IQCB1: variants seen among roughly 807,000 people sequenced by gnomAD.
IQCB1 encodes IQ motif containing B1.
Under a neutral mutation model 84.4 loss-of-function variants are expected in IQCB1, and 56 were observed. That is an observed-to-expected ratio of 0.66 (90% CI 0.54 to 0.83). IQCB1 has a LOEUF of 0.83. IQCB1 is among the 40% of genes least tolerant of loss of function. The probability of loss-of-function intolerance (pLI) is 0.00; values close to 1 mark genes in which losing one functional copy is unlikely to be tolerated. For missense variants in IQCB1, 629 were observed against 682.1 expected (o/e 0.92, Z 0.87); for synonymous variants, 210 against 234.8 (o/e 0.89, Z 0.96).
Position 121,826,140 on chromosome 3 carries a change from C to T in IQCB1, c.304G>A (p.Glu102Lys). 6.2e-7 allele frequency: 1 copy of T among 1,613,562 alleles called. No homozygotes were observed. Among genetic ancestry groups the T allele is most frequent in the Non-Finnish European group, 8.5e-7 (1 of 1,179,562 alleles). ...GATGGAAGTAATTCATTGTAAAATT[C>T]CTCTGCATCTTCTCCTGGCTCCAAG... ...VGLEPGEDAE[E>K]FYNELLPSAA... The change falls in exon 5 of 15, where the codon GAA becomes AAA. Residue 102 changes from glutamate (E) to lysine (K), a missense_variant. By Grantham distance (56) the Glu-to-Lys change is moderately conservative. Coordinates refer to ENST00000310864, the MANE Select transcript of IQCB1 (RefSeq NM_001023570.4).
chr3:121,790,317 G>T (rs903260468), intron 10 of IQCB1, 102 bp from the exon 11 acceptor site: 1 of 1,054,412 alleles, frequency 9.5e-7, no homozygotes, highest in African/African-American at 1.6e-5. Context: ...AAAATTTTAA[G>T]ATAATTTCTA....
intron 13 of IQCB1, among the ~76,000 whole-genome samples, chr3:121,780,335 C>T (rs915355010): frequency 1.3e-5 from 2 of 152,140 alleles, no homozygotes; most frequent in Non-Finnish European, 2.9e-5. Flanking sequence ...GTCTTGAAAA[C>T]GATTTCATGC....
rs1949314990 is a variant in IQCB1, at chr3:121,799,244, A to AT, written c.717dup (p.Ser240IlefsTer24). Reference sequence around the variant, plus strand: ...AGTAAAATCAAAATTTCCTGATGGGATTCAGCCATCAACAGTAGGAGTTTT... The same window carrying AT: ...AGTAAAATCAAAATTTCCTGATGGGATTTCAGCCATCAACAGTAGGAGTTTT... On this transcript the variant is annotated frameshift_variant, in exon 8 of 15. Transcript: ENST00000310864. LOFTEE classifies it high-confidence loss of function. 1.9e-6 allele frequency: 3 copies of AT among 1,610,660 alleles called. No individual in the cohort carries two copies. The highest frequency in any genetic ancestry group is 2.5e-6 in the Non-Finnish European group (3 of 1,177,612).
chr3:121,780,462 T>C (rs1051645771), intron 13 of IQCB1, among the ~76,000 whole-genome samples: 1 of 152,208 alleles, frequency 6.6e-6, no homozygotes, highest in Non-Finnish European at 1.5e-5. Flanking sequence ...TACCTCTTTA[T>C]GGTAATCACA....
At chr3:121,770,823 T>C (rs752293443) in intron 14 of IQCB1, among the ~76,000 whole-genome samples, 1 of 152,062 alleles carries the variant, frequency 6.6e-6, no homozygotes, top group African/African-American at 2.4e-5. Context: ...CCTGGGACTA[T>C]GCCACCACAC....
At chr3:121,786,170 C>CAAGAAAAAAGAAAAG in intron 12 of IQCB1, among the ~76,000 whole-genome samples, 2 of 72,846 alleles carry the variant, frequency 2.7e-5, no homozygotes, top group Non-Finnish European at 5.1e-5. Flanking sequence ...GATTCTGTCT[C>CAAGAAAAAAGAAAAG]AAAAGAAAAG....
In IQCB1 at chr3:121,834,952, C is replaced by T. The variant is rs1708196215; in HGVS notation, c.-102+14G>A. The T allele has an allele frequency of 2.5e-6, 1 of 404,186 alleles. No individual in the cohort carries two copies. The highest frequency in any genetic ancestry group is 2.0e-5 in the African/African-American group (1 of 49,456). The allele number at this position is 404,186 out of a possible 1,614,324, so 25.0% of individuals were successfully genotyped here. A position where few individuals can be genotyped will look rare whatever the true frequency, so the allele number is the denominator to read the frequency against. The stretch of plus-strand genomic sequence containing the variant: ...GGCCCTCTCCCTCCCCAGCCACCAC[C>T]TCAGATAAGTTACCTCATCCTCGCT... On this transcript the variant is annotated intron_variant, in intron 1 of 14. Transcript: ENST00000310864.
intron 12 of IQCB1, among the ~76,000 whole-genome samples, chr3:121,785,309 G>A (rs1419130649): frequency 6.6e-6 from 1 of 151,214 alleles, no homozygotes; most frequent in Non-Finnish European, 1.5e-5. Flanking sequence ...CTAGAGTGCA[G>A]TGGTGTGATC....
At chr3:121,819,674 A>T (rs527241777) in intron 5 of IQCB1, among the ~76,000 whole-genome samples, 1 of 152,298 alleles carries the variant, frequency 6.6e-6, no homozygotes, top group South Asian at 2.1e-4. Context: ...TTGTTTTAAG[A>T]GAATGAGCAT....
rs141609267 is a variant in IQCB1 at position 121,772,960 on chromosome 3, CTG to C, written c.1411-249_1411-248del. ...TGCCTATACTTTACTTTCTCAGACA[CTG>C]TGGAATTATGGGAGAAGAGATAAGC... On this transcript the variant is annotated intron_variant, in intron 13 of 14. Transcript: ENST00000310864. 0.1 allele frequency among the ~76,000 whole-genome samples: 15,609 copies of C among 152,196 alleles called. 838 individuals are homozygous for C. The highest frequency in any genetic ancestry group is 0.15 in the South Asian group (740 of 4,824).
At chr3:121,808,702 A>T (rs1311161707) in intron 6 of IQCB1, among the ~76,000 whole-genome samples, 2 of 152,020 alleles carry the variant, frequency 1.3e-5, no homozygotes, top group Non-Finnish European at 2.9e-5. Flanking sequence ...TTATTTCAAC[A>T]GTATTCTCCT....
intron 2 of IQCB1, among the ~76,000 whole-genome samples, chr3:121,831,815 G>C (rs1257768870): frequency 6.6e-6 from 1 of 152,154 alleles, no homozygotes; most frequent in East Asian, 1.9e-4. Flanking sequence ...AGACAGGTTT[G>C]CTGAAAATAC....
intron 14 of IQCB1, 100 bp from the exon 15 acceptor site, chr3:121,770,674 C>T (rs976463951): frequency 2.2e-5 from 19 of 883,328 alleles, no homozygotes; most frequent in Non-Finnish European, 3.2e-5. Flanking sequence ...GCAGAAACAG[C>T]ATTCCAACTC....
chr3:121,819,331 T>C (rs951371881), intron 5 of IQCB1, among the ~76,000 whole-genome samples: 9 of 152,170 alleles, frequency 5.9e-5, no homozygotes, highest in Non-Finnish European at 1.0e-4. Context: ...ATAGGATTTA[T>C]GCTCTTATGA....
At chr3:121,795,943 C>T (rs1949177254) in intron 9 of IQCB1, among the ~76,000 whole-genome samples, 1 of 152,070 alleles carries the variant, frequency 6.6e-6, no homozygotes, top group Non-Finnish European at 1.5e-5. Context: ...TGGATGGTTG[C>T]TCGAATCTCT....
chr3:121,800,577 T>G (rs1422815645), intron 7 of IQCB1, among the ~76,000 whole-genome samples: 1 of 151,838 alleles, frequency 6.6e-6, no homozygotes, highest in African/African-American at 2.4e-5. Flanking sequence ...CCCTGTCCCA[T>G]CAGTCAATGT....
At chr3:121,816,631 G>A (rs1258636654) in intron 5 of IQCB1, among the ~76,000 whole-genome samples, 1 of 151,996 alleles carries the variant, frequency 6.6e-6, no homozygotes, top group African/African-American at 2.4e-5. Context: ...TCAAAAGAAG[G>A]CATCTATGGG....
rs1399609476 is a variant in IQCB1 at position 121,782,021 on chromosome 3, CAGG to C, written c.1279-150_1279-148del. 6 of 764,026 alleles carry C rather than the reference CAGG, an allele frequency of 7.9e-6. No individual in the cohort carries two copies. In the East Asian group the frequency reaches 8.2e-5, roughly 10 times the overall value. The allele number at this position is 764,026 out of a possible 1,614,324, so 47.3% of individuals were successfully genotyped here. A position where few individuals can be genotyped will look rare whatever the true frequency, so the allele number is the denominator to read the frequency against. ...AGGGGAATGGGACTGTGACAAAATGCAGGAGAACAGTGACTTTTAAAATATACA... is the reference window on the plus strand; with the variant it reads ...AGGGGAATGGGACTGTGACAAAATGCAGAACAGTGACTTTTAAAATATACA... On this transcript the variant is annotated intron_variant, in intron 12 of 14. Coordinates refer to ENST00000310864, the MANE Select transcript of IQCB1 (RefSeq NM_001023570.4).
intron 5 of IQCB1, among the ~76,000 whole-genome samples, chr3:121,812,543 G>A (rs1245981082): frequency 6.6e-6 from 1 of 152,164 alleles, no homozygotes; most frequent in Non-Finnish European, 1.5e-5. Context: ...TAGACAAATT[G>A]CTAACTAGAA....
Sources: gnomAD v4.1 joint callset for allele counts (sites outside exome capture counted in the v4.1 genomes callset) on GRCh38, gnomAD v4.1.1 for gene constraint, MANE v1.5 for transcripts, NCBI Gene and HGNC (gene_info 2026-07-23, HGNC 2026-07-21) for gene names.